Variants in KIAA1549L observed in about 807,000 individuals in gnomAD.
KIAA1549L encodes KIAA1549 like.
In KIAA1549L, 88 loss-of-function variants were observed where a neutral mutation model predicts 160.7. That is an observed-to-expected ratio of 0.55 (90% CI 0.46 to 0.65). The LOEUF is 0.65. Among genes scored for constraint, KIAA1549L ranks in the 30% least tolerant of loss-of-function variants. The pLI is 0.00. For missense variants in KIAA1549L, 2,258 were observed against 2,437.5 expected (o/e 0.93, Z 1.55); for synonymous variants, 950 against 976.7 (o/e 0.97, Z 0.51).
intron 15 of KIAA1549L, among the ~76,000 whole-genome samples, chr11:33,613,725 A>G (rs1850707509): frequency 6.6e-6 from 1 of 152,236 alleles, no homozygotes; most frequent in Non-Finnish European, 1.5e-5. Context: ...GGAGACAAAT[A>G]TCCAAACTAG....
In KIAA1549L at chr11:33,668,455, A is replaced by G. The variant is rs1405859743; in HGVS notation, c.*301A>G. On this transcript the variant is annotated 3_prime_UTR_variant, in exon 21 of 21. Transcript: ENST00000658780. ...TGGAAGCTTAGTCACAAGAGGCACTAGCTAATCTACAGATTCCTATCCAAT... is the reference window on the plus strand; with the variant it reads ...TGGAAGCTTAGTCACAAGAGGCACTGGCTAATCTACAGATTCCTATCCAAT... 5 of 437,878 alleles carry G rather than the reference A, an allele frequency of 1.1e-5. No homozygotes were observed. The highest frequency in any genetic ancestry group is 2.1e-5 in the Non-Finnish European group (5 of 241,186). The allele number at this position is 437,878 out of a possible 1,614,324, so 27.1% of individuals were successfully genotyped here. A position where few individuals can be genotyped will look rare whatever the true frequency, so the allele number is the denominator to read the frequency against.
chr11:33,544,366 C>G lies in KIAA1549L; in HGVS notation c.2773+30C>G, dbSNP rs537370283. ...AGCCACTAATGCAGGTAGTTTGTTT[C>G]CCGGTACCCCCAAAACAGGCATGAC... On this transcript the variant is annotated intron_variant, in intron 2 of 20. Coordinates refer to ENST00000658780, the MANE Select transcript of KIAA1549L (RefSeq NM_012194.3). 6.2e-6 allele frequency: 10 copies of G among 1,606,188 alleles called. No individual in the cohort carries two copies. The East Asian group carries it at 2.2e-4, about 36-fold the overall frequency.
intron 1 of KIAA1549L, among the ~76,000 whole-genome samples, chr11:33,394,039 G>C (rs954115127): frequency 3.3e-5 from 5 of 152,170 alleles, no homozygotes; most frequent in Non-Finnish European, 7.3e-5. Context: ...GGCATCACAA[G>C]CCAGGTACTA....
At chr11:33,657,295 A>C (rs1033741115) in intron 18 of KIAA1549L, among the ~76,000 whole-genome samples, 4 of 152,146 alleles carry the variant, frequency 2.6e-5, no homozygotes, top group African/African-American at 9.6e-5. Context: ...AATTTGTGGG[A>C]GGTTTGCTGA....
intron 1 of KIAA1549L, among the ~76,000 whole-genome samples, chr11:33,408,966 A>G (rs891559756): frequency 2.0e-5 from 3 of 151,046 alleles, no homozygotes; most frequent in African/African-American, 7.3e-5. Flanking sequence ...AAAAAAAAAA[A>G]AAAAATTAGG....
chr11:33,455,654 C>T (rs1428095798), intron 1 of KIAA1549L, among the ~76,000 whole-genome samples: 2 of 152,280 alleles, frequency 1.3e-5, no homozygotes, highest in East Asian at 3.9e-4. Context: ...TGTTTCCACA[C>T]AGTTCTGAGG....
At chr11:33,447,989 G>T (rs926464412) in intron 1 of KIAA1549L, among the ~76,000 whole-genome samples, 6 of 152,210 alleles carry the variant, frequency 3.9e-5, no homozygotes, top group African/African-American at 1.4e-4. Flanking sequence ...GCCTCGCCAT[G>T]TAGTGTGGGA....
At chr11:33,605,672 C>T (rs1850482206) in intron 13 of KIAA1549L, among the ~76,000 whole-genome samples, 1 of 152,198 alleles carries the variant, frequency 6.6e-6, no homozygotes, top group Admixed American at 6.5e-5. Context: ...ATCCCAATCT[C>T]TCAAGCAGAC....
intron 1 of KIAA1549L, among the ~76,000 whole-genome samples, chr11:33,460,860 T>C (rs1187112698): frequency 6.6e-6 from 1 of 152,226 alleles, no homozygotes; most frequent in African/African-American, 2.4e-5. Flanking sequence ...GTGGGATTAT[T>C]TAAAAATGGG....
chr11:33,638,422 T>TAAAAAAAAA (rs371077129), intron 16 of KIAA1549L, among the ~76,000 whole-genome samples: 2 of 43,604 alleles, frequency 4.6e-5, no homozygotes, highest in East Asian at 6.7e-4. Context: ...CTAAAATAAA[T>TAAAAAAAAA]AAAAAAAAAA....
chr11:33,583,479 T>TA lies in KIAA1549L; in HGVS notation c.4547dup (p.Asn1516LysfsTer13). On this transcript the variant is annotated frameshift_variant, in exon 11 of 21. Transcript: ENST00000658780. LOFTEE classifies it high-confidence loss of function. ...AACGACTTCAAGCCTGACACCATGA[T>TA]AAACCTGCCGCAGAGAGCAAAGGTA... 6.3e-7 allele frequency: 1 copy of TA among 1,576,722 alleles called. No individual in the cohort carries two copies. The highest frequency in any genetic ancestry group is 8.6e-7 in the Non-Finnish European group (1 of 1,161,674).
At chr11:33,381,219 A>G (rs1272929287) in intron 1 of KIAA1549L, among the ~76,000 whole-genome samples, 1 of 152,084 alleles carries the variant, frequency 6.6e-6, no homozygotes, top group African/African-American at 2.4e-5. Context: ...CCCCATTTTG[A>G]GAAATAAGTG....
rs1406403122 is a variant in KIAA1549L at position 33,376,169 on chromosome 11, C to CG, written c.-479dup. On this transcript the variant is annotated 5_prime_UTR_variant, in exon 1 of 21. Coordinates refer to ENST00000658780, the MANE Select transcript of KIAA1549L (RefSeq NM_012194.3). The surrounding 1 kb of genome is among the most constrained non-coding windows in gnomAD (Gnocchi z 5.8). ...GCGGCCCGGGAACCCGAGCCGGAGC[C>CG]GGGGCTGGAACCCGAAGCCCAGCGA... 6.7e-6 allele frequency among the ~76,000 whole-genome samples: 1 copy of CG among 149,558 alleles called. No individual in the cohort carries two copies. The highest frequency in any genetic ancestry group is 2.4e-5 in the African/African-American group (1 of 41,164).
intron 1 of KIAA1549L, among the ~76,000 whole-genome samples, chr11:33,500,364 G>A (rs1852919218): frequency 6.6e-6 from 1 of 152,172 alleles, no homozygotes; most frequent in Admixed American, 6.5e-5. Context: ...AAAGTGCCTG[G>A]CACATACGGG....
intron 13 of KIAA1549L, among the ~76,000 whole-genome samples, chr11:33,604,630 A>G (rs1055914922): frequency 6.6e-6 from 1 of 152,242 alleles, no homozygotes; most frequent in African/African-American, 2.4e-5. Context: ...CATAAGAAGA[A>G]ATGAAATAAT....
At chr11:33,606,597 G>C in intron 13 of KIAA1549L, 44 bp from the exon 14 acceptor site, 3 of 1,585,938 alleles carry the variant, frequency 1.9e-6, no homozygotes, top group Non-Finnish European at 1.7e-6. Flanking sequence ...GGATCACACA[G>C]CTCCCCAACA....
chr11:33,462,891 A>G (rs976403273), intron 1 of KIAA1549L, among the ~76,000 whole-genome samples: 3 of 151,856 alleles, frequency 2.0e-5, no homozygotes, highest in South Asian at 2.1e-4. Flanking sequence ...CTAGAGTGCA[A>G]TGGCATAATC....
chr11:33,420,172 T>C (rs1850977014), intron 1 of KIAA1549L, among the ~76,000 whole-genome samples: 1 of 151,750 alleles, frequency 6.6e-6, no homozygotes, highest in Middle Eastern at 3.2e-3. Context: ...TTGGCAAAGC[T>C]ACTTCCCACA....
intron 1 of KIAA1549L, among the ~76,000 whole-genome samples, chr11:33,465,956 G>T (rs1035659406): frequency 2.0e-5 from 3 of 152,078 alleles, no homozygotes; most frequent in Admixed American, 6.5e-5. Context: ...TGACTAAAAC[G>T]CCAAAAGCAA....
Sources: gnomAD v4.1 joint callset for allele counts (sites outside exome capture counted in the v4.1 genomes callset) on GRCh38, gnomAD v4.1.1 for gene constraint, Gnocchi (gnomAD v3.1) non-coding constraint, MANE v1.5 for transcripts, NCBI Gene and HGNC (gene_info 2026-07-23, HGNC 2026-07-21) for gene names.